PCSK7: variants seen among roughly 807,000 people sequenced by gnomAD.
The protein encoded by PCSK7 is proprotein convertase subtilisin/kexin type 7.
Under a neutral mutation model 73.3 loss-of-function variants are expected in PCSK7, and 38 were observed. The ratio of observed to expected loss-of-function variants is 0.52; its 90% CI spans 0.40 to 0.68. The LOEUF is 0.68. Ranked by LOEUF, PCSK7 falls within the 30% of genes least tolerant of loss-of-function variation. PCSK7 has a pLI of 0.00. For missense variants in PCSK7, 692 were observed against 991.5 expected, an observed-to-expected ratio of 0.70 and a Z score of 4.06; for synonymous variants, 296 against 383.8, an observed-to-expected ratio of 0.77 and a Z score of 2.68.
intron 6 of PCSK7, 23 bp from the exon 7 acceptor site, chr11:117,224,778 AG>A (rs1448278495): frequency 1.3e-6 from 2 of 1,599,602 alleles, no homozygotes; most frequent in Middle Eastern, 1.9e-4. Flanking sequence ...AAATACCTAG[AG>A]GGGACAGCCA....
At chr11:117,211,736 T>C (rs752757742) in intron 12 of PCSK7, 1 of 152,180 alleles carries the variant, frequency 6.6e-6, no homozygotes, top group Non-Finnish European at 1.5e-5. Context: ...CAAAAACAAA[T>C]AAACCCTTTC....
In PCSK7 at chr11:117,218,697, C is replaced by G; in HGVS notation, c.1432-129G>C. The G allele has an allele frequency of 1.7e-6, 1 of 595,748 alleles. No homozygotes were observed. The highest frequency in any genetic ancestry group is 3.0e-6 in the Non-Finnish European group (1 of 337,716). The allele number at this position is 595,748 out of a possible 1,614,324, so 36.9% of individuals were successfully genotyped here. ...CTGTCTTTATTTTTCCACTCCTCATCATCTTCCTTCAGCCCTCAGCTCCTG... is the reference window on the plus strand; with the variant it reads ...CTGTCTTTATTTTTCCACTCCTCATGATCTTCCTTCAGCCCTCAGCTCCTG... On this transcript the variant is annotated intron_variant, in intron 11 of 16. Transcript: ENST00000320934. This position sits in a 1 kb window ranked among gnomAD's most constrained non-coding sequence, Gnocchi z 4.0.
intron 9 of PCSK7, chr11:117,222,804 A>C (rs1432169497): frequency 6.0e-6 from 1 of 166,318 alleles, no homozygotes; most frequent in Non-Finnish European, 1.3e-5. Flanking sequence ...CCGCCACCAC[A>C]CCAGGCTAAT....
chr11:117,206,045 A>G lies in PCSK7; in HGVS notation c.2310T>C (p.Pro770=). The change falls in exon 17 of 17, where the codon CCT becomes CCC. Residue 770 remains proline, a synonymous_variant. Coordinates refer to ENST00000320934, the MANE Select transcript of PCSK7 (RefSeq NM_004716.4). The part of the protein sequence containing the change: ...LSQNKSALDC[P]HQHLDVPHGK... Reference sequence around the variant, plus strand: ...CGTGCGGTACGTCTAGGTGCTGATGAGGGCAGTCCAGGGCGCTCTTGTTCT... The same window carrying G: ...CGTGCGGTACGTCTAGGTGCTGATGGGGGCAGTCCAGGGCGCTCTTGTTCT... The G allele has an allele frequency of 7.5e-7, 1 of 1,325,686 alleles. No homozygotes were observed. Among genetic ancestry groups the G allele is most frequent in the Non-Finnish European group, 1.1e-6 (1 of 947,006 alleles). The allele number at this position is 1,325,686 out of a possible 1,614,324, so 82.1% of individuals were successfully genotyped here. A position where few individuals can be genotyped will look rare whatever the true frequency, so the allele number is the denominator to read the frequency against.
rs1158554487 is a variant in PCSK7, at chr11:117,218,366, A to G, written c.1534+100T>C. The G allele has an allele frequency of 1.6e-6, 1 of 626,234 alleles. No homozygotes were observed. The highest frequency in any genetic ancestry group is 2.7e-6 in the Non-Finnish European group (1 of 364,950). The allele number at this position is 626,234 out of a possible 1,614,324, so 38.8% of individuals were successfully genotyped here. On this transcript the variant is annotated intron_variant, in intron 12 of 16. Coordinates refer to ENST00000320934, the MANE Select transcript of PCSK7 (RefSeq NM_004716.4). The surrounding 1 kb of genome is among the most constrained non-coding windows in gnomAD (Gnocchi z 4.0). ...CAGGTTTGGCTGGAGCTCAGCTCCG[A>G]AAGGGGGTAGAATCTGGCAGGGAGG...
At chr11:117,211,689 C>G (rs1409964146) in intron 12 of PCSK7, 6 of 152,224 alleles carry the variant, frequency 3.9e-5, no homozygotes, top group African/African-American at 1.4e-4. Flanking sequence ...CTTGGCTAGA[C>G]CTTTTTGCTA....
At position 117,218,030 on chromosome 11, in the gene PCSK7, C is replaced by G. The variant is rs1591796660; in HGVS notation, c.1534+436G>C. The G allele has an allele frequency of 6.6e-6, 1 of 152,594 alleles. No homozygotes were observed. The highest frequency in any genetic ancestry group is 1.9e-4 in the East Asian group (1 of 5,208). The allele number at this position is 152,594 out of a possible 1,614,324, so 9.5% of individuals were successfully genotyped here. On this transcript the variant is annotated intron_variant, in intron 12 of 16. Coordinates refer to ENST00000320934, the MANE Select transcript of PCSK7 (RefSeq NM_004716.4). The surrounding 1 kb of genome is among the most constrained non-coding windows in gnomAD (Gnocchi z 4.0). ...TCCCCAGCAGACCACATCTGACTCT[C>G]TCTATTAGGTAAGCCAGAGAATCAA...
In PCSK7 at chr11:117,228,351, C is replaced by A; in HGVS notation, c.469-1G>T. On this transcript the variant is annotated splice_acceptor_variant, in intron 3 of 16. Coordinates refer to ENST00000320934, the MANE Select transcript of PCSK7 (RefSeq NM_004716.4). LOFTEE classifies it high-confidence loss of function. ...CCCTGCCCGGGCTCCGTCGGTTATT[C>A]TGTAAGAGAGACAGGATGGGAATAC... is the stretch of plus-strand genomic sequence containing the variant. 6.2e-7 allele frequency: 1 copy of A among 1,613,882 alleles called. No individual in the cohort carries two copies. The highest frequency in any genetic ancestry group is 8.5e-7 in the Non-Finnish European group (1 of 1,179,758).
chr11:117,204,394 C>T lies in PCSK7; in HGVS notation c.*1603G>A. Reference sequence around the variant, plus strand: ...GGCTAGCCCTGAGCCCGGCCCTCCCCCAGCTCCTTGGCTGCAGCCATCCCG... The same window carrying T: ...GGCTAGCCCTGAGCCCGGCCCTCCCTCAGCTCCTTGGCTGCAGCCATCCCG... On this transcript the variant is annotated 3_prime_UTR_variant, in exon 17 of 17. Coordinates refer to ENST00000320934, the MANE Select transcript of PCSK7 (RefSeq NM_004716.4). 2 of 1,614,060 alleles carry T rather than the reference C, an allele frequency of 1.2e-6. No individual in the cohort carries two copies. Among genetic ancestry groups the T allele is most frequent in the Non-Finnish European group, 1.7e-6 (2 of 1,179,954 alleles).
chr11:117,216,786 A>C (rs2032001756), intron 12 of PCSK7: 1 of 152,056 alleles, frequency 6.6e-6, no homozygotes, highest in Non-Finnish European at 1.5e-5. Context: ...CCACAAACTT[A>C]TTTGTTCTGT....
At chr11:117,210,207 A>G (rs2031661361) in intron 12 of PCSK7, 2 of 152,182 alleles carry the variant, frequency 1.3e-5, no homozygotes, top group Non-Finnish European at 2.9e-5. Flanking sequence ...AAACATTAAG[A>G]TTGGGAGAAG....
At chr11:117,207,631 G>A in intron 14 of PCSK7, 1 of 547,364 alleles carries the variant, frequency 1.8e-6, no homozygotes, top group South Asian at 1.5e-5. Context: ...TAAAAAAAAT[G>A]GTGAAATGAG....
chr11:117,210,079 A>T (rs2031652771), intron 12 of PCSK7: 1 of 152,244 alleles, frequency 6.6e-6, no homozygotes, highest in African/African-American at 2.4e-5. Flanking sequence ...AATTGCATAC[A>T]GCTACACACG....
Position 117,218,368 on chromosome 11 carries a change from AG to A in PCSK7, c.1534+97del. The A allele has an allele frequency of 1.6e-6, 1 of 627,772 alleles. No individual in the cohort carries two copies. The allele number at this position is 627,772 out of a possible 1,614,324, so 38.9% of individuals were successfully genotyped here. On this transcript the variant is annotated intron_variant, in intron 12 of 16. Coordinates refer to ENST00000320934, the MANE Select transcript of PCSK7 (RefSeq NM_004716.4). This position sits in a 1 kb window ranked among gnomAD's most constrained non-coding sequence, Gnocchi z 4.0. ...GGTTTGGCTGGAGCTCAGCTCCGAA[AG>A]GGGGTAGAATCTGGCAGGGAGGACG...
intron 6 of PCSK7, chr11:117,225,386 C>T (rs551908399): frequency 3.2e-4 from 50 of 157,872 alleles, no homozygotes; most frequent in Non-Finnish European, 6.0e-4. Context: ...GAAGGCAGAG[C>T]GCCCATGAAC....
chr11:117,226,184 T>C, intron 5 of PCSK7, 163 bp from the exon 6 acceptor site: 1 of 606,436 alleles, frequency 1.6e-6, no homozygotes, highest in Admixed American at 2.7e-5. Context: ...TCACCCAGAC[T>C]GGAGTGCAGT....
Position 117,228,317 on chromosome 11 carries a change from C to A in PCSK7, c.502G>T (p.Val168Leu). ...ACATTGCGTTCCCACACACCCGTCA[C>A]GTTGATGTCCCTGCCCGGGCTCCGT... ...NRRSPGRDINVTGVWERNVTG... is the reference protein window; with the variant it reads ...NRRSPGRDINLTGVWERNVTG... The change falls in exon 4 of 17, where the codon GTG becomes TTG. Residue 168 changes from valine to leucine, a missense_variant. By Grantham distance (32) the Val-to-Leu change is conservative (BLOSUM62 1). Coordinates refer to ENST00000320934, the MANE Select transcript of PCSK7 (RefSeq NM_004716.4). 1 of 1,614,102 alleles carries A rather than the reference C, an allele frequency of 6.2e-7. No homozygotes were observed. Among genetic ancestry groups the A allele is most frequent in the Non-Finnish European group, 8.5e-7 (1 of 1,179,954 alleles).
At chr11:117,230,093 A>G (rs942245629) in intron 2 of PCSK7, 1 of 469,544 alleles carries the variant, frequency 2.1e-6, no homozygotes, top group African/African-American at 2.0e-5. Flanking sequence ...CCACAGCAAG[A>G]CAGCCAATCC....
chr11:117,224,801 C>G (rs189150064), intron 6 of PCSK7, 46 bp from the exon 7 acceptor site: 1 of 1,440,966 alleles, frequency 6.9e-7, no homozygotes, highest in Non-Finnish European at 9.8e-7. Flanking sequence ...AGCCAGGCTG[C>G]GGCTACCCAC....
Sources: gnomAD v4.1 joint callset for allele counts on GRCh38, gnomAD v4.1.1 for gene constraint, Gnocchi (gnomAD v3.1) non-coding constraint, MANE v1.5 for transcripts, NCBI Gene and HGNC (gene_info 2026-07-23, HGNC 2026-07-21) for gene names.